Variants in VRK2 observed in about 807,000 individuals in gnomAD.
VRK2 encodes serine/threonine-protein kinase VRK2.
VRK2 carries 60 observed loss-of-function variants against 57.6 expected under a neutral mutation model. The observed-to-expected ratio is 1.04, with a 90% CI of 0.85 to 1.29. The LOEUF (loss-of-function observed/expected upper bound fraction) is 1.29, where lower values mean the gene tolerates loss of function less well. VRK2 is among the 50% of genes most tolerant of loss of function. The pLI is 0.00. For missense variants in VRK2, 705 were observed against 588.1 expected (o/e 1.20, Z -2.06); for synonymous variants, 231 against 199.2 (o/e 1.16, Z -1.35).
chr2:57,983,156 G>A (rs80088616), intron 1 of VRK2, among the ~76,000 whole-genome samples: 10,648 of 152,180 alleles, frequency 0.07, 425 homozygotes, highest in Non-Finnish European at 0.092. Context: ...CATCTGTTCA[G>A]AGTATGCTGA....
At chr2:57,974,570 A>T (rs1460648998) in intron 1 of VRK2, among the ~76,000 whole-genome samples, 1 of 151,964 alleles carries the variant, frequency 6.6e-6, no homozygotes, top group East Asian at 1.9e-4. Context: ...CTTCTAAAAA[A>T]TTAGCTGAAA....
intron 1 of VRK2, chr2:58,048,514 C>T (rs992576007): frequency 3.2e-6 from 4 of 1,245,462 alleles, no homozygotes; most frequent in Non-Finnish European, 4.2e-6. Context: ...TTGTTAATTT[C>T]GTGTTTCTTA....
chr2:57,914,724 G>A (rs1670092911), intron 1 of VRK2, among the ~76,000 whole-genome samples: 1 of 152,064 alleles, frequency 6.6e-6, no homozygotes, highest in Non-Finnish European at 1.5e-5. Flanking sequence ...GTGTCCCTCT[G>A]AAAGTTAAGC....
chr2:58,091,522 T>C (rs139841077), intron 7 of VRK2, among the ~76,000 whole-genome samples: 6 of 152,098 alleles, frequency 3.9e-5, no homozygotes, highest in African/African-American at 1.2e-4. Flanking sequence ...TACTGTATTA[T>C]CACGTTTAAA....
intron 1 of VRK2, among the ~76,000 whole-genome samples, chr2:57,965,061 T>C (rs1409303147): frequency 3.3e-5 from 5 of 152,152 alleles, no homozygotes; most frequent in Non-Finnish European, 5.9e-5. Context: ...TATATGTGAT[T>C]GTAAACAGAT....
At position 57,924,900 on chromosome 2, in the gene VRK2, G is replaced by GT. The variant is rs536379622; in HGVS notation, c.-439+17070dup. On this transcript the variant is annotated intron_variant, in intron 1 of 15. Transcript: ENST00000417641. ...TGCTTCCACCTCCAGTTTTTTTAGG[G>GT]TTTTTTTTTAATCATGAAGGGATGT... 6.0e-4 allele frequency among the ~76,000 whole-genome samples: 91 copies of GT among 150,724 alleles called. 1 individual carries two copies. The South Asian group carries it at 0.014, about 23-fold the overall frequency.
chr2:58,050,291 TC>T (rs1558566932), intron 2 of VRK2, among the ~76,000 whole-genome samples: 1 of 152,202 alleles, frequency 6.6e-6, no homozygotes, highest in African/African-American at 2.4e-5. Context: ...CCAAGGTGTA[TC>T]TAGTCTCAAG....
chr2:57,977,059 C>T (rs11904808), intron 1 of VRK2, among the ~76,000 whole-genome samples: 5,306 of 152,036 alleles, frequency 0.035, 330 homozygotes, highest in African/African-American at 0.12. Flanking sequence ...CTCTAACCTG[C>T]TCCATTGGTC....
chr2:58,055,421 T>C (rs111910397), intron 2 of VRK2, among the ~76,000 whole-genome samples: 16 of 152,338 alleles, frequency 1.1e-4, no homozygotes, highest in African/African-American at 3.6e-4. Context: ...TTGATTAATT[T>C]TGAAAGTCAA....
chr2:58,089,704 G>A lies in VRK2; in HGVS notation c.524G>A (p.Gly175Asp), dbSNP rs1380456141. 35 of 1,608,364 alleles carry A rather than the reference G, an allele frequency of 2.2e-5. 1 individual carries two copies. The highest frequency in any genetic ancestry group is 2.7e-5 in the Non-Finnish European group (32 of 1,176,410). The stretch of plus-strand genomic sequence containing the variant: ...ATAAAAGCAGCAAATCTACTTTTGG[G>A]TTACAAAAATCCAGACCAGGTAAAT... The part of the protein sequence containing the change: ...GDIKAANLLL[G>D]YKNPDQVYLA... The change falls in exon 7 of 13, where the codon GGT becomes GAT. Residue 175 changes from glycine to aspartate, a missense_variant. By Grantham distance (94) the Gly-to-Asp change is moderately conservative. Coordinates refer to ENST00000340157, the MANE Select transcript of VRK2 (RefSeq NM_006296.7).
chr2:57,968,972 T>C (rs952164961), intron 1 of VRK2, among the ~76,000 whole-genome samples: 3 of 152,128 alleles, frequency 2.0e-5, no homozygotes, highest in African/African-American at 7.2e-5. Flanking sequence ...AATAAAGATG[T>C]CAATATAATT....
At chr2:58,157,282 G>A (rs897708697) in intron 12 of VRK2, among the ~76,000 whole-genome samples, 2 of 152,156 alleles carry the variant, frequency 1.3e-5, no homozygotes, top group Non-Finnish European at 2.9e-5. Flanking sequence ...AGTCGATTCT[G>A]ATGTGCATTC....
chr2:58,118,856 A>G (rs1312307789), intron 7 of VRK2, among the ~76,000 whole-genome samples: 1 of 152,142 alleles, frequency 6.6e-6, no homozygotes, highest in Non-Finnish European at 1.5e-5. Flanking sequence ...GTAATGGAAA[A>G]TTACAGTCAA....
Position 57,929,461 on chromosome 2 carries a change from T to G in VRK2, c.-439+21622T>G, listed in dbSNP as rs114646098. Among the ~76,000 whole-genome samples, 1,513 of 152,164 alleles carry G rather than the reference T, an allele frequency of 9.9e-3. 25 individuals are homozygous for G. The highest frequency in any genetic ancestry group is 0.035 in the African/African-American group (1,435 of 41,512). On this transcript the variant is annotated intron_variant, in intron 1 of 15. Coordinates refer to the VRK2 transcript ENST00000417641. The stretch of plus-strand genomic sequence containing the variant: ...GGACCCTCCCTTAAGGAAAGTGGGG[T>G]TCCCTCTGGCCTAGGACTGTTCTGG...
chr2:58,083,847 G>C (rs964810009), intron 2 of VRK2, among the ~76,000 whole-genome samples: 1 of 151,760 alleles, frequency 6.6e-6, no homozygotes, highest in Non-Finnish European at 1.5e-5. Context: ...TGTGATGTCA[G>C]GCAGATTTGA....
chr2:57,945,458 G>A (rs1426925836), intron 1 of VRK2, among the ~76,000 whole-genome samples: 3 of 152,086 alleles, frequency 2.0e-5, no homozygotes, highest in African/African-American at 7.2e-5. Context: ...ACAAAGCAGA[G>A]CATAATTGTT....
At chr2:58,071,894 T>G (rs1309887404) in intron 2 of VRK2, among the ~76,000 whole-genome samples, 1 of 151,980 alleles carries the variant, frequency 6.6e-6, no homozygotes, top group Non-Finnish European at 1.5e-5. Context: ...AGAATATGAG[T>G]GAGTCTTCCT....
chr2:58,116,504 A>C (rs1274503974), intron 7 of VRK2, among the ~76,000 whole-genome samples: 1 of 152,124 alleles, frequency 6.6e-6, no homozygotes, highest in Non-Finnish European at 1.5e-5. Flanking sequence ...CCTGGCTGTC[A>C]ATACCCACAA....
rs1282541440 is a variant in VRK2, at chr2:57,920,276, T to C, written c.-439+12437T>C. Among the ~76,000 whole-genome samples, 7 of 152,222 alleles carry C rather than the reference T, an allele frequency of 4.6e-5. No homozygotes were observed. The East Asian group carries it at 1.4e-3, about 29-fold the overall frequency. ...AGAGCACAATGTCTGGATGCCTCTG[T>C]TTAGTTGACTCATATCATTTTTGGA... On this transcript the variant is annotated intron_variant, in intron 1 of 15. Coordinates refer to the VRK2 transcript ENST00000417641.
Sources: gnomAD v4.1 joint callset for allele counts (sites outside exome capture counted in the v4.1 genomes callset) on GRCh38, gnomAD v4.1.1 for gene constraint, MANE v1.5 for transcripts, NCBI Gene and HGNC (gene_info 2026-07-23, HGNC 2026-07-21) for gene names.